The following PUF60 variants were observed in gnomAD, a reference collection of about 807,000 sequenced individuals.
The protein encoded by PUF60 is poly(U)-binding-splicing factor PUF60.
PUF60 carries 10 observed loss-of-function variants against 61.8 expected under a neutral mutation model. The observed-to-expected ratio is 0.16, with a 90% CI of 0.10 to 0.27. The LOEUF (loss-of-function observed/expected upper bound fraction) is 0.27, where lower values mean the gene tolerates loss of function less well. Ranked by LOEUF, PUF60 falls within the 10% of genes least tolerant of loss-of-function variation. PUF60 has a pLI of 1.00. For synonymous variants in PUF60, 353 were observed against 300.9 expected, an observed-to-expected ratio of 1.17 and a Z score of -1.79; for missense variants, 371 against 754.0, an observed-to-expected ratio of 0.49 and a Z score of 5.95.
intron 1 of PUF60, among the ~76,000 whole-genome samples, chr8:143,828,147 T>C (rs1413215194): frequency 6.6e-6 from 1 of 152,220 alleles, no homozygotes; most frequent in Non-Finnish European, 1.5e-5. Flanking sequence ...CCTCGCAAGC[T>C]GGGTATCTTG....
chr8:143,821,260 T>G, intron 4 of PUF60: 1 of 497,324 alleles, frequency 2.0e-6, no homozygotes. Flanking sequence ...ACGCCCTGCA[T>G]GCTGCCACCA....
chr8:143,819,339 C>A (rs117297129), intron 5 of PUF60, among the ~76,000 whole-genome samples: 8,142 of 152,228 alleles, frequency 0.053, 292 homozygotes, highest in Non-Finnish European at 0.084. Context: ...GACCTCCCCA[C>A]ACCCTCAGGG....
intron 2 of PUF60, among the ~76,000 whole-genome samples, chr8:143,823,498 C>T (rs1563836811): frequency 6.6e-6 from 1 of 152,254 alleles, no homozygotes; most frequent in African/African-American, 2.4e-5. Flanking sequence ...CTTCTCCCAC[C>T]AACCAATGGC....
chr8:143,825,406 G>A (rs191630777), intron 1 of PUF60, among the ~76,000 whole-genome samples: 1 of 152,180 alleles, frequency 6.6e-6, no homozygotes, highest in Non-Finnish European at 1.5e-5. Flanking sequence ...CAATGCTGTC[G>A]GCATGGGTGT....
At chr8:143,824,256 G>GGGCAGGCA in intron 2 of PUF60, 57 bp downstream of exon 2, 1 of 1,398,252 alleles carries the variant, frequency 7.2e-7, no homozygotes, top group Non-Finnish European at 9.7e-7. Flanking sequence ...ACAGGCAGGC[G>GGGCAGGCA]GGCGGGCGGG....
intron 3 of PUF60, 25 bp from the exon 4 acceptor site, chr8:143,821,711 A>G (rs961490675): frequency 1.3e-6 from 2 of 1,547,526 alleles, no homozygotes; most frequent in Non-Finnish European, 1.7e-6. Context: ...AGTGAGGAGC[A>G]CTGGGGGCCC....
intron 2 of PUF60, 65 bp downstream of exon 2, chr8:143,824,248 A>AGGCAGGCGGGCGGGCGGGCG (rs1026862132): frequency 4.8e-6 from 7 of 1,468,830 alleles, no homozygotes; most frequent in African/African-American, 1.4e-5. Flanking sequence ...AGGGACGCAC[A>AGGCAGGCGGGCGGGCGGGCG]GGCAGGCGGG....
At position 143,817,474 on chromosome 8, in the gene PUF60, C is replaced by T; in HGVS notation, c.1009-8G>A. 1 of 1,610,008 alleles carries T rather than the reference C, an allele frequency of 6.2e-7. No individual in the cohort carries two copies. Among genetic ancestry groups the T allele is most frequent in the Non-Finnish European group, 8.5e-7 (1 of 1,178,876 alleles). On this transcript the variant is annotated splice_polypyrimidine_tract_variant and splice_region_variant and intron_variant, in intron 9 of 11. Coordinates refer to ENST00000526683, the MANE Select transcript of PUF60 (RefSeq NM_078480.3). The surrounding 1 kb of genome is among the most constrained non-coding windows in gnomAD (Gnocchi z 7.4). ...TGCTCCGGCCACTGCTTCCTGCAAC[C>T]CAAAAGGTCACCGTGCTCAGTCCCT...
chr8:143,824,691 A>C (rs1286515439), intron 1 of PUF60: 1 of 452,236 alleles, frequency 2.2e-6, no homozygotes, highest in Non-Finnish European at 4.0e-6. Flanking sequence ...CAGGCAAAAG[A>C]AAGCCATCCT....
chr8:143,822,106 C>A (rs1253829627), intron 2 of PUF60, among the ~76,000 whole-genome samples, 193 bp from the exon 3 acceptor site: 1 of 152,080 alleles, frequency 6.6e-6, no homozygotes, highest in Non-Finnish European at 1.5e-5. Flanking sequence ...CTGAGGCAGG[C>A]AGGTGCCCTG....
chr8:143,825,378 C>T (rs183815174), intron 1 of PUF60, among the ~76,000 whole-genome samples: 88 of 152,330 alleles, frequency 5.8e-4, no homozygotes, highest in African/African-American at 1.9e-3. Context: ...CAACCCAGCC[C>T]GTGCCTGGAG....
rs1404812798 is a variant in PUF60, at chr8:143,817,796, C to A, written c.818-14G>T. 3.1e-6 allele frequency: 5 copies of A among 1,607,578 alleles called. No homozygotes were observed. The highest frequency in any genetic ancestry group is 4.2e-6 in the Non-Finnish European group (5 of 1,177,572). On this transcript the variant is annotated splice_polypyrimidine_tract_variant and intron_variant, in intron 8 of 11. Coordinates refer to ENST00000526683, the MANE Select transcript of PUF60 (RefSeq NM_078480.3). The surrounding 1 kb of genome is among the most constrained non-coding windows in gnomAD (Gnocchi z 7.4). ...CCTTCTCGTACTCTGTGGGCAGGAG[C>A]AGCAGTGAGCAGGGCCAGCCCCAGC...
rs117693695 is a variant in PUF60 at position 143,828,331 on chromosome 8, G to A, written c.24+949C>T. Among the ~76,000 whole-genome samples the A allele has an allele frequency of 4.0e-3, 616 of 152,344 alleles. 4 individuals carry two copies. The highest frequency in any genetic ancestry group is 6.8e-3 in the Middle Eastern group (2 of 294). On this transcript the variant is annotated intron_variant, in intron 1 of 11. Coordinates refer to ENST00000526683, the MANE Select transcript of PUF60 (RefSeq NM_078480.3). ...CAAACAGACCTTATCCCATCCCGCT[G>A]GGTGTGGGCTGGGGGAAGGGTGACA...
rs1040027244 is a variant in PUF60, at chr8:143,816,494, T to A, written c.*26A>T. The stretch of plus-strand genomic sequence containing the variant: ...AAACCCAGAGGAAACAAGGAACAAG[T>A]GCAAGTCCGGGGAGAGGGACCACTG... On this transcript the variant is annotated 3_prime_UTR_variant, in exon 12 of 12. Transcript: ENST00000526683. 2 of 1,585,306 alleles carry A rather than the reference T, an allele frequency of 1.3e-6. No individual in the cohort carries two copies. The highest frequency in any genetic ancestry group is 8.6e-7 in the Non-Finnish European group (1 of 1,166,096).
At chr8:143,824,225 C>G (rs1489874084) in intron 2 of PUF60, 88 bp downstream of exon 2, 1 of 1,373,518 alleles carries the variant, frequency 7.3e-7, no homozygotes, top group Non-Finnish European at 1.0e-6. Context: ...CCCAGCCAGC[C>G]CTCTCTGGGC....
chr8:143,817,932 A>G lies in PUF60; in HGVS notation c.747T>C (p.Phe249=). ...DDDIKSVFEA[F]GKIKSCTLAR... ...CCAGTGTGCAGGACTTGATCTTGCC[A>G]AAGGCCTCAAACACGCTCTTGATGT... The change falls in exon 8 of 12, where the codon TTT becomes TTC. Residue 249 remains phenylalanine, a synonymous_variant. Coordinates refer to ENST00000526683, the MANE Select transcript of PUF60 (RefSeq NM_078480.3). The surrounding 1 kb of genome is among the most constrained non-coding windows in gnomAD (Gnocchi z 7.4). 4 of 1,612,902 alleles carry G rather than the reference A, an allele frequency of 2.5e-6. No individual in the cohort carries two copies. The highest frequency in any genetic ancestry group is 1.7e-6 in the Non-Finnish European group (2 of 1,179,856).
At chr8:143,820,493 G>A (rs750058536) in intron 5 of PUF60, 173 bp downstream of exon 5, 4 of 722,638 alleles carry the variant, frequency 5.5e-6, no homozygotes, top group South Asian at 1.7e-5. Context: ...GGGCGGTCCC[G>A]GGTGGGTGCC....
At chr8:143,822,036 A>T (rs1302411967) in intron 2 of PUF60, 123 bp from the exon 3 acceptor site, 1 of 702,474 alleles carries the variant, frequency 1.4e-6, no homozygotes, top group Non-Finnish European at 2.3e-6. Flanking sequence ...AGCCCTTCTG[A>T]CATTGCTGTC....
At chr8:143,828,643 G>C (rs756040805) in intron 1 of PUF60, among the ~76,000 whole-genome samples, 9 of 152,210 alleles carry the variant, frequency 5.9e-5, no homozygotes, top group Non-Finnish European at 8.8e-5. Flanking sequence ...CTGCCTGTCT[G>C]GTTCCCCACT....
Sources: gnomAD v4.1 joint callset for allele counts (sites outside exome capture counted in the v4.1 genomes callset) on GRCh38, gnomAD v4.1.1 for gene constraint, Gnocchi (gnomAD v3.1) non-coding constraint, MANE v1.5 for transcripts, NCBI Gene and HGNC (gene_info 2026-07-23, HGNC 2026-07-21) for gene names.